The following PTPRK variants were observed in gnomAD, a reference collection of about 807,000 sequenced individuals.
The protein encoded by PTPRK is receptor-type tyrosine-protein phosphatase kappa.
A neutral mutation model predicts 178.0 loss-of-function variants in PTPRK; 75 were observed. The observed-to-expected ratio is 0.42, with a 90% confidence interval of 0.35 to 0.51. PTPRK has a LOEUF of 0.51. Among genes scored for constraint, PTPRK ranks in the 20% least tolerant of loss-of-function variants. The pLI is 0.02. For missense variants in PTPRK, 1,441 were observed against 1,797.8 expected (o/e 0.80, Z 3.59); for synonymous variants, 637 against 620.6 (o/e 1.03, Z -0.39).
chr6:128,214,670 G>A (rs963547486), intron 6 of PTPRK, among the ~76,000 whole-genome samples: 3 of 152,080 alleles, frequency 2.0e-5, no homozygotes, highest in Admixed American at 2.0e-4. Context: ...TGGTAGGCCT[G>A]GCTTAGGATA....
At chr6:128,116,396 G>A (rs191506153) in intron 7 of PTPRK, among the ~76,000 whole-genome samples, 78 of 150,724 alleles carry the variant, frequency 5.2e-4, no homozygotes, top group African/African-American at 1.6e-3. Context: ...TGAAAACATC[G>A]TGCTACAGAT....
intron 13 of PTPRK, among the ~76,000 whole-genome samples, chr6:128,027,720 G>T (rs568302108): frequency 6.6e-6 from 1 of 152,002 alleles, no homozygotes; most frequent in Non-Finnish European, 1.5e-5. Flanking sequence ...TCAGCCACCC[G>T]AGTAGCTGGG....
At chr6:128,162,898 T>G (rs1390464989) in intron 7 of PTPRK, among the ~76,000 whole-genome samples, 2 of 151,684 alleles carry the variant, frequency 1.3e-5, no homozygotes, top group African/African-American at 2.4e-5. Flanking sequence ...TTGTTACTCT[T>G]AAATTATTAA....
chr6:128,451,221 T>G (rs998358158), intron 1 of PTPRK, among the ~76,000 whole-genome samples: 1 of 152,198 alleles, frequency 6.6e-6, no homozygotes, highest in Non-Finnish European at 1.5e-5. Flanking sequence ...AACATCTAAA[T>G]AACTTAGCAA....
intron 1 of PTPRK, among the ~76,000 whole-genome samples, chr6:128,508,950 A>AT (rs1856770719): frequency 6.6e-6 from 1 of 150,800 alleles, no homozygotes; most frequent in Non-Finnish European, 1.5e-5. Flanking sequence ...TCCATCTCAA[A>AT]AAAAAAAAAG....
intron 1 of PTPRK, among the ~76,000 whole-genome samples, chr6:128,437,168 T>C (rs1020516766): frequency 6.6e-6 from 1 of 152,162 alleles, no homozygotes; most frequent in East Asian, 1.9e-4. Flanking sequence ...TAACTAACTG[T>C]ATAAGACCCA....
intron 13 of PTPRK, among the ~76,000 whole-genome samples, chr6:128,058,845 TA>T (rs201362295): frequency 0.011 from 1,611 of 152,180 alleles, 31 homozygotes; most frequent in African/African-American, 0.036. Context: ...TATGTAGCTG[TA>T]TTTTTTTATA....
At chr6:128,460,281 C>T (rs188092795) in intron 1 of PTPRK, among the ~76,000 whole-genome samples, 97 of 152,098 alleles carry the variant, frequency 6.4e-4, no homozygotes, top group African/African-American at 2.2e-3. Context: ...TGGGGACTCA[C>T]ACCTGTAATC....
At chr6:128,154,572 G>A (rs1314198981) in intron 7 of PTPRK, among the ~76,000 whole-genome samples, 2 of 150,940 alleles carry the variant, frequency 1.3e-5, no homozygotes, top group African/African-American at 2.4e-5. Flanking sequence ...TTTCAAAAAC[G>A]CACAAATTAC....
At chr6:128,071,986 G>A (rs1782908549) in intron 11 of PTPRK, among the ~76,000 whole-genome samples, 1 of 151,958 alleles carries the variant, frequency 6.6e-6, no homozygotes. Context: ...TACATGAAAT[G>A]GGATTGTGCT....
chr6:128,448,706 T>C (rs1013582357), intron 1 of PTPRK, among the ~76,000 whole-genome samples: 1 of 152,124 alleles, frequency 6.6e-6, no homozygotes, highest in Non-Finnish European at 1.5e-5. Context: ...TAAACTCTAA[T>C]CACTGACCAA....
intron 1 of PTPRK, among the ~76,000 whole-genome samples, chr6:128,482,383 G>A (rs528701878): frequency 3.3e-5 from 5 of 152,148 alleles, no homozygotes; most frequent in East Asian, 1.9e-4. Context: ...AAATGGGAGC[G>A]GCCTTAAAGA....
At chr6:128,133,475 A>C (rs1482814196) in intron 7 of PTPRK, among the ~76,000 whole-genome samples, 2 of 152,284 alleles carry the variant, frequency 1.3e-5, no homozygotes, top group Non-Finnish European at 2.9e-5. Flanking sequence ...TATCCATATG[A>C]AGTGGTTACA....
At chr6:128,456,119 C>G (rs2128409215) in intron 1 of PTPRK, among the ~76,000 whole-genome samples, 1 of 152,110 alleles carries the variant, frequency 6.6e-6, no homozygotes, top group South Asian at 2.1e-4. Context: ...CTGCAAAATT[C>G]AAGATCCAGC....
chr6:128,189,256 T>C (rs971308154), intron 6 of PTPRK, among the ~76,000 whole-genome samples: 16 of 143,894 alleles, frequency 1.1e-4, no homozygotes, highest in Non-Finnish European at 2.4e-4. Flanking sequence ...TTTTTTTTTT[T>C]TTGAGACAGA....
At chr6:128,335,995 G>T (rs1444491727) in intron 2 of PTPRK, among the ~76,000 whole-genome samples, 1 of 152,110 alleles carries the variant, frequency 6.6e-6, no homozygotes, top group Non-Finnish European at 1.5e-5. Context: ...AACACATCTG[G>T]TCAATTATGA....
chr6:128,450,481 G>A lies in PTPRK; in HGVS notation c.101-52793C>T, dbSNP rs529505327. On this transcript the variant is annotated intron_variant, in intron 1 of 29. Coordinates refer to ENST00000368226, the MANE Select transcript of PTPRK (RefSeq NM_002844.4). ...CACATATAAGTATAATTGCTTTATC[G>A]TACACTATAACCTCCCCTGCCCCAA... Among the ~76,000 whole-genome samples the A allele has an allele frequency of 1.4e-4, 22 of 152,138 alleles. No homozygotes were observed. In the East Asian group the frequency reaches 3.5e-3, roughly 24 times the overall value.
intron 7 of PTPRK, among the ~76,000 whole-genome samples, chr6:128,144,613 G>GT (rs988213253): frequency 1.3e-5 from 2 of 151,788 alleles, no homozygotes; most frequent in Non-Finnish European, 2.9e-5. Context: ...ACCTAGCACT[G>GT]TTTTTTTCAA....
intron 22 of PTPRK, 110 bp from the exon 23 acceptor site, chr6:127,983,487 C>A (rs1209579612): frequency 3.4e-6 from 4 of 1,161,486 alleles, no homozygotes; most frequent in East Asian, 2.4e-5. Flanking sequence ...ATTTAACAAA[C>A]TGCAAGGCAC....
Sources: gnomAD v4.1 joint callset for allele counts (sites outside exome capture counted in the v4.1 genomes callset) on GRCh38, gnomAD v4.1.1 for gene constraint, MANE v1.5 for transcripts, NCBI Gene and HGNC (gene_info 2026-07-23, HGNC 2026-07-21) for gene names.